ACIN1: variants seen among roughly 807,000 people sequenced by gnomAD.
ACIN1 encodes apoptotic chromatin condensation inducer in the nucleus.
Under a neutral mutation model 146.6 loss-of-function variants are expected in ACIN1, and 16 were observed. The ratio of observed to expected loss-of-function variants is 0.11; its 90% confidence interval spans 0.07 to 0.17. ACIN1 has a LOEUF of 0.17. Ranked by LOEUF, ACIN1 falls within the 10% of genes least tolerant of loss-of-function variation. ACIN1 has a pLI of 1.00. For missense variants in ACIN1, 1,357 were observed against 1,609.3 expected (o/e 0.84, Z 2.68); for synonymous variants, 569 against 582.7 (o/e 0.98, Z 0.34).
chr14:23,077,944 C>T (rs1015750016), intron 8 of ACIN1: 1 of 393,440 alleles, frequency 2.5e-6, no homozygotes, highest in African/African-American at 2.1e-5. Flanking sequence ...GGTGAGTTTT[C>T]CTTGTGCCCT....
At chr14:23,070,220 G>C (rs891488196) in intron 8 of ACIN1, among the ~76,000 whole-genome samples, 3 of 147,374 alleles carry the variant, frequency 2.0e-5, no homozygotes, top group African/African-American at 7.4e-5. Context: ...TGCGGGGCGG[G>C]GGGTGGGAGC....
Position 23,078,817 on chromosome 14 carries a change from T to C in ACIN1, c.2007+3A>G. 1 of 1,612,094 alleles carries C rather than the reference T, an allele frequency of 6.2e-7. No individual in the cohort carries two copies. The highest frequency in any genetic ancestry group is 8.5e-7 in the Non-Finnish European group (1 of 1,179,760). On this transcript the variant is annotated splice_donor_region_variant and intron_variant, in intron 7 of 18. Transcript: ENST00000605057. ...TGTGTAGGGAGGGGTCACAATAGCC[T>C]ACCCGCTCAGGCTGTAACCTCTGGG...
intron 16 of ACIN1, 123 bp downstream of exon 16, chr14:23,062,045 C>A (rs557389124): frequency 2.6e-6 from 2 of 783,402 alleles, no homozygotes; most frequent in African/African-American, 3.6e-5. Flanking sequence ...GGAACCAAAG[C>A]CAGGGAAGAA....
At chr14:23,071,784 G>A (rs972075757) in intron 8 of ACIN1, among the ~76,000 whole-genome samples, 1 of 152,146 alleles carries the variant, frequency 6.6e-6, no homozygotes, top group Non-Finnish European at 1.5e-5. Flanking sequence ...TCTTCCCAGG[G>A]GGCAGGGGAG....
Position 23,059,095 on chromosome 14 carries a change from C to T in ACIN1, c.*53G>A. The T allele has an allele frequency of 6.4e-7, 1 of 1,566,664 alleles. No homozygotes were observed. Among genetic ancestry groups the T allele is most frequent in the South Asian group, 1.1e-5 (1 of 87,054 alleles). ...GAGACTGTGCCTATCCCTCTGTGGCCATAACCCCCTGGGGCCGAGTGGCTG... is the reference window on the plus strand; with the variant it reads ...GAGACTGTGCCTATCCCTCTGTGGCTATAACCCCCTGGGGCCGAGTGGCTG... On this transcript the variant is annotated 3_prime_UTR_variant, in exon 19 of 19. Coordinates refer to ENST00000605057, the MANE Select transcript of ACIN1 (RefSeq NM_001386863.1).
intron 4 of ACIN1, among the ~76,000 whole-genome samples, chr14:23,087,608 T>A (rs2048120872): frequency 6.6e-6 from 1 of 152,030 alleles, no homozygotes; most frequent in African/African-American, 2.4e-5. Flanking sequence ...CATTTCGAAT[T>A]ATATTAAGAA....
At chr14:23,079,524 A>G in intron 6 of ACIN1, 23 bp downstream of exon 6, 2 of 1,608,748 alleles carry the variant, frequency 1.2e-6, no homozygotes, top group Non-Finnish European at 8.5e-7. Flanking sequence ...ACATTAATAC[A>G]CCCGGGATTC....
chr14:23,069,711 C>G, intron 8 of ACIN1, 94 bp from the exon 9 acceptor site: 2 of 1,199,536 alleles, frequency 1.7e-6, no homozygotes, highest in Non-Finnish European at 2.3e-6. Flanking sequence ...AGGAAACCCT[C>G]CTGCCTCATC....
chr14:23,062,115 C>CCATT (rs1172909007), intron 16 of ACIN1, 53 bp downstream of exon 16: 1 of 1,428,416 alleles, frequency 7.0e-7, no homozygotes, highest in African/African-American at 1.4e-5. Context: ...TGAAATCTAG[C>CCATT]AGATAATGGC....
At chr14:23,075,323 CTTTTT>C (rs11423392) in intron 8 of ACIN1, among the ~76,000 whole-genome samples, 1 of 133,340 alleles carries the variant, frequency 7.5e-6, no homozygotes, top group Non-Finnish European at 1.6e-5. Flanking sequence ...CTTTCTTCCC[CTTTTT>C]TTTTTTTTTT....
intron 9 of ACIN1, 183 bp from the exon 10 acceptor site, chr14:23,066,191 C>T (rs926653604): frequency 3.7e-6 from 2 of 542,260 alleles, no homozygotes; most frequent in Admixed American, 3.5e-5. Flanking sequence ...ACGGCAAAAA[C>T]GAAGCAGAAT....
At position 23,068,037 on chromosome 14, in the gene ACIN1, A is replaced by C; in HGVS notation, c.2265+1439T>G. 1.0e-6 allele frequency: 1 copy of C among 985,896 alleles called. No individual in the cohort carries two copies. The highest frequency in any genetic ancestry group is 5.2e-4 in the Middle Eastern group (1 of 1,914). 61.1% of individuals were successfully genotyped at this position (985,896 alleles called of 1,614,324 possible). A position where few individuals can be genotyped will look rare whatever the true frequency, so the allele number is the denominator to read the frequency against. ...CAGGGATGGAGGAGAAGTTGGAGCA[A>C]CCAACATGCTGCCCTTCACCATGGA... is the stretch of plus-strand genomic sequence containing the variant. On this transcript the variant is annotated intron_variant, in intron 9 of 18. Coordinates refer to ENST00000605057, the MANE Select transcript of ACIN1 (RefSeq NM_001386863.1). The surrounding 1 kb of genome is among the most constrained non-coding windows in gnomAD (Gnocchi z 4.3).
At chr14:23,079,160 T>C in intron 6 of ACIN1, 122 bp from the exon 7 acceptor site, 1 of 1,008,166 alleles carries the variant, frequency 9.9e-7, no homozygotes, top group Non-Finnish European at 1.4e-6. Flanking sequence ...TGTCTGTGTT[T>C]ACTCCCATTT....
At chr14:23,073,588 G>A (rs1363056670) in intron 8 of ACIN1, among the ~76,000 whole-genome samples, 3 of 152,122 alleles carry the variant, frequency 2.0e-5, no homozygotes, top group African/African-American at 7.2e-5. Context: ...AACCCAGGAT[G>A]CAGAGGTTGT....
chr14:23,071,525 GCGATCAGC>G (rs1305610522), intron 8 of ACIN1: 2 of 1,551,386 alleles, frequency 1.3e-6, no homozygotes, highest in African/African-American at 2.7e-5. Flanking sequence ...CGGAGCGGCA[GCGATCAGC>G]CGGAGACATG....
intron 10 of ACIN1, 28 bp from the exon 11 acceptor site, chr14:23,064,516 TAGATGGTCTCAGGACCTC>T: frequency 6.2e-7 from 1 of 1,612,520 alleles, no homozygotes; most frequent in Non-Finnish European, 8.5e-7. Context: ...ACCCAACAGT[TAGATGGTCTCAGGACCTC>T]TGCTAGTTCA....
chr14:23,077,126 A>G (rs1379763189), intron 8 of ACIN1, among the ~76,000 whole-genome samples: 2 of 152,208 alleles, frequency 1.3e-5, no homozygotes, highest in African/African-American at 4.8e-5. Context: ...GGTCTATAAA[A>G]CTATCATTAA....
upstream of ACIN1, chr14:23,095,464 G>T: frequency 1.1e-6 from 1 of 891,496 alleles, no homozygotes; most frequent in Non-Finnish European, 1.6e-6. Context: ...TGAGGCGCTG[G>T]GGCGCTTGGG....
chr14:23,059,956 G>T (rs1236246389), intron 18 of ACIN1, among the ~76,000 whole-genome samples: 24 of 100,134 alleles, frequency 2.4e-4, no homozygotes, highest in South Asian at 3.6e-4. Context: ...CGCCCCGCCA[G>T]TTTTTTTTTT....
Sources: gnomAD v4.1 joint callset for allele counts (sites outside exome capture counted in the v4.1 genomes callset) on GRCh38, gnomAD v4.1.1 for gene constraint, Gnocchi (gnomAD v3.1) non-coding constraint, MANE v1.5 for transcripts, NCBI Gene and HGNC (gene_info 2026-07-23, HGNC 2026-07-21) for gene names.